Variants in B3GALT1 observed in about 807,000 individuals in gnomAD.
The protein encoded by B3GALT1 is UDP-Gal:betaGlcNAc beta 1,3-galactosyltransferase, polypeptide 1.
B3GALT1 carries 10 observed loss-of-function variants against 23.2 expected under a neutral mutation model. The ratio of observed to expected loss-of-function variants is 0.43; its 90% CI spans 0.27 to 0.73. The LOEUF (loss-of-function observed/expected upper bound fraction) is 0.73, where lower values mean the gene tolerates loss of function less well. B3GALT1 is among the 30% of genes least tolerant of loss of function. The probability of loss-of-function intolerance (pLI) is 0.21; values close to 1 mark genes in which losing one functional copy is unlikely to be tolerated. For missense variants in B3GALT1, 299 were observed against 405.4 expected, an observed-to-expected ratio of 0.74 and a Z score of 2.25; for synonymous variants, 156 against 141.5, an observed-to-expected ratio of 1.10 and a Z score of -0.73.
intron 4 of B3GALT1, among the ~76,000 whole-genome samples, chr2:167,839,710 C>G (rs1265537855): frequency 6.6e-6 from 1 of 152,138 alleles, no homozygotes; most frequent in Non-Finnish European, 1.5e-5. Flanking sequence ...AAAAAGAGCC[C>G]GCCTTGTCAA....
In B3GALT1 at chr2:167,621,432, A is replaced by T. The variant is rs908691491; in HGVS notation, c.-409-25477A>T. On this transcript the variant is annotated intron_variant, in intron 2 of 4. Coordinates refer to ENST00000392690, the MANE Select transcript of B3GALT1 (RefSeq NM_020981.4). ...TTAACTAAAATGTTATTATTTTATCAGAGGGATTTTTAAGAAGAAAGCAGT... is the reference window on the plus strand; with the variant it reads ...TTAACTAAAATGTTATTATTTTATCTGAGGGATTTTTAAGAAGAAAGCAGT... Among the ~76,000 whole-genome samples, 23 of 152,070 alleles carry T rather than the reference A, an allele frequency of 1.5e-4. 1 individual carries two copies. The highest frequency in any genetic ancestry group is 1.5e-5 in the Non-Finnish European group (1 of 67,990).
Position 167,687,299 on chromosome 2 carries a change from T to G in B3GALT1, c.-352+40333T>G, listed in dbSNP as rs1462395872. 2.6e-5 allele frequency among the ~76,000 whole-genome samples: 4 copies of G among 152,164 alleles called. No homozygotes were observed. The East Asian group carries it at 7.7e-4, about 29-fold the overall frequency. ...AGAGAACTAACATTTTAAACAAAAATTATAGAGTATCCTAAATTGCTGAAA... is the reference window on the plus strand; with the variant it reads ...AGAGAACTAACATTTTAAACAAAAAGTATAGAGTATCCTAAATTGCTGAAA... On this transcript the variant is annotated intron_variant, in intron 3 of 4. Coordinates refer to ENST00000392690, the MANE Select transcript of B3GALT1 (RefSeq NM_020981.4).
At position 167,738,762 on chromosome 2, in the gene B3GALT1, C is replaced by G. The variant is rs1687530067; in HGVS notation, c.-351-79910C>G. 2.0e-5 allele frequency among the ~76,000 whole-genome samples: 3 copies of G among 151,798 alleles called. No homozygotes were observed. The South Asian group carries it at 6.3e-4, about 32-fold the overall frequency. ...ATAACTAGAAGTTTCAGAGAAAAGT[C>G]AAACTCTCCCTTCTGATGTTCATGT... On this transcript the variant is annotated intron_variant, in intron 3 of 4. Coordinates refer to ENST00000392690, the MANE Select transcript of B3GALT1 (RefSeq NM_020981.4).
intron 2 of B3GALT1, among the ~76,000 whole-genome samples, chr2:167,507,594 AACTT>A (rs1228642953): frequency 6.6e-6 from 1 of 151,866 alleles, no homozygotes; most frequent in African/African-American, 2.4e-5. Context: ...TTTTTACTGA[AACTT>A]AATGGATCAA....
chr2:167,501,010 G>C (rs75920794), intron 2 of B3GALT1, among the ~76,000 whole-genome samples: 1,918 of 152,034 alleles, frequency 0.013, 26 homozygotes, highest in South Asian at 0.039. Context: ...TAAATTCCTA[G>C]AGTAGAACAA....
At chr2:167,539,052 A>C (rs1683485388) in intron 2 of B3GALT1, among the ~76,000 whole-genome samples, 1 of 152,194 alleles carries the variant, frequency 6.6e-6, no homozygotes, top group South Asian at 2.1e-4. Context: ...TGTAAAAGTT[A>C]TAAAAAAATA....
At position 167,604,826 on chromosome 2, in the gene B3GALT1, A is replaced by G. The variant is rs1684934552; in HGVS notation, c.-409-42083A>G. Among the ~76,000 whole-genome samples, 3 of 152,330 alleles carry G rather than the reference A, an allele frequency of 2.0e-5. No homozygotes were observed. The South Asian group carries it at 6.2e-4, about 32-fold the overall frequency. ...AAGATAGATGGGAAGAGGAGAAGGG[A>G]AGCAAATAGAATATAAATCTGGGAA... On this transcript the variant is annotated intron_variant, in intron 2 of 4. Transcript: ENST00000392690.
chr2:167,597,178 G>C (rs1323820488), intron 2 of B3GALT1, among the ~76,000 whole-genome samples: 1 of 150,802 alleles, frequency 6.6e-6, no homozygotes, highest in Non-Finnish European at 1.5e-5. Flanking sequence ...TGCAGTGGCG[G>C]AATCTCAGCT....
At chr2:167,619,873 A>G (rs1685226289) in intron 2 of B3GALT1, among the ~76,000 whole-genome samples, 1 of 152,140 alleles carries the variant, frequency 6.6e-6, no homozygotes, top group African/African-American at 2.4e-5. Flanking sequence ...AGGAATAGGT[A>G]TGCACTGGTA....
chr2:167,870,038 A>C lies in B3GALT1; in HGVS notation c.*18A>C, dbSNP rs762264737. 4.2e-5 allele frequency: 65 copies of C among 1,560,042 alleles called. No individual in the cohort carries two copies. Among genetic ancestry groups the C allele is most frequent in the Non-Finnish European group, 5.5e-5 (63 of 1,152,188 alleles). On this transcript the variant is annotated 3_prime_UTR_variant, in exon 5 of 5. Transcript: ENST00000392690. ...GATGTTAGGATTTTTACCAATGTAA[A>C]TATGTTTCTTTTCTTTTTTTAAGAA...
rs2105448370 is a variant in B3GALT1 at position 167,871,243 on chromosome 2, A to G, written c.*1223A>G. ...GTGTTCATTTATAAAAATGGCTGTA[A>G]AAAACACCTACCTCACAGGTGCTGT... On this transcript the variant is annotated 3_prime_UTR_variant, in exon 5 of 5. Coordinates refer to ENST00000392690, the MANE Select transcript of B3GALT1 (RefSeq NM_020981.4). The G allele has an allele frequency of 6.6e-6, 1 of 152,308 alleles. No homozygotes were observed. Among genetic ancestry groups the G allele is most frequent in the East Asian group, 1.9e-4 (1 of 5,184 alleles). The allele number at this position is 152,308 out of a possible 1,614,324, so 9.4% of individuals were successfully genotyped here. A position where few individuals can be genotyped will look rare whatever the true frequency, so the allele number is the denominator to read the frequency against.
intron 1 of B3GALT1, among the ~76,000 whole-genome samples, chr2:167,489,272 G>A (rs1317183222): frequency 6.6e-6 from 1 of 152,152 alleles, no homozygotes; most frequent in Non-Finnish European, 1.5e-5. Flanking sequence ...ACACACTTCT[G>A]TAGATAATGA....
intron 4 of B3GALT1, among the ~76,000 whole-genome samples, chr2:167,851,808 A>T (rs1689898430): frequency 1.3e-5 from 2 of 152,222 alleles, no homozygotes; most frequent in Non-Finnish European, 2.9e-5. Flanking sequence ...GGGGAACCAG[A>T]AGCATTGGCA....
chr2:167,465,192 TTGTG>T (rs1574090875), intron 1 of B3GALT1, among the ~76,000 whole-genome samples: 1 of 152,184 alleles, frequency 6.6e-6, no homozygotes, highest in Non-Finnish European at 1.5e-5. Flanking sequence ...TTGTTTGAGT[TTGTG>T]TATTTATTTT....
At chr2:167,375,794 A>C (rs1040213067) in intron 1 of B3GALT1, among the ~76,000 whole-genome samples, 2 of 152,066 alleles carry the variant, frequency 1.3e-5, no homozygotes, top group African/African-American at 4.8e-5. Context: ...AAGAGAGATC[A>C]GTTGTCTTCT....
At chr2:167,809,280 A>T (rs1464741764) in intron 3 of B3GALT1, among the ~76,000 whole-genome samples, 1 of 152,156 alleles carries the variant, frequency 6.6e-6, no homozygotes, top group Non-Finnish European at 1.5e-5. Flanking sequence ...TTCTTCTCTC[A>T]ACTCATCAAA....
chr2:167,530,295 C>T (rs1683303842), intron 2 of B3GALT1, among the ~76,000 whole-genome samples: 1 of 152,124 alleles, frequency 6.6e-6, no homozygotes, highest in African/African-American at 2.4e-5. Flanking sequence ...TGTTATTACA[C>T]TTATATATTA....
intron 3 of B3GALT1, among the ~76,000 whole-genome samples, chr2:167,813,574 T>C (rs559539892): frequency 1.6e-4 from 24 of 152,234 alleles, no homozygotes; most frequent in Non-Finnish European, 3.4e-4. Flanking sequence ...TTGCAATTAC[T>C]ACATTGCCAG....
At chr2:167,743,112 T>C (rs1036547567) in intron 3 of B3GALT1, among the ~76,000 whole-genome samples, 5 of 152,100 alleles carry the variant, frequency 3.3e-5, no homozygotes, top group Non-Finnish European at 7.4e-5. Context: ...AGTTCACTCA[T>C]TTTTTTCAAT....
Sources: gnomAD v4.1 joint callset for allele counts (sites outside exome capture counted in the v4.1 genomes callset) on GRCh38, gnomAD v4.1.1 for gene constraint, MANE v1.5 for transcripts, NCBI Gene and HGNC (gene_info 2026-07-23, HGNC 2026-07-21) for gene names.